The following SRRD variants were observed in gnomAD, a reference collection of about 807,000 sequenced individuals.
SRRD encodes SRR1 domain containing.
Under a neutral mutation model 30.7 loss-of-function variants are expected in SRRD, and 28 were observed. The observed-to-expected ratio is 0.91, with a 90% CI of 0.68 to 1.25. The LOEUF is 1.25. Ranked by LOEUF, SRRD falls within the 50% of genes most tolerant of loss-of-function variation. The pLI is 0.00. For missense variants in SRRD, 415 were observed against 417.3 expected, an observed-to-expected ratio of 0.99 and a Z score of 0.05; for synonymous variants, 161 against 159.6, an observed-to-expected ratio of 1.01 and a Z score of -0.07.
intron 5 of SRRD, among the ~76,000 whole-genome samples, chr22:26,490,559 C>CTTTTTTTTTTTTTTTTTTTTGTT: frequency 1.9e-5 from 1 of 51,834 alleles, no homozygotes; most frequent in Non-Finnish European, 3.4e-5. Context: ...GGAATATTTG[C>CTTTTTTTTTTTTTTTTTTTTGTT]TTTTTTTTTT....
intron 5 of SRRD, 47 bp downstream of exon 5, chr22:26,490,245 C>T (rs1309806625): frequency 1.9e-6 from 3 of 1,598,602 alleles, no homozygotes; most frequent in East Asian, 2.2e-5. Context: ...AGGTGAAGCC[C>T]ATACCTCAGA....
Position 26,490,081 on chromosome 22 carries a change from T to C in SRRD, c.647T>C (p.Phe216Ser). 1 of 1,614,082 alleles carries C rather than the reference T, an allele frequency of 6.2e-7. No individual in the cohort carries two copies. ...AGTATTCGCGGGGAGCCTACCATCT[T>C]TTACATGCTCCATTGTGGGACGGCC... is the stretch of plus-strand genomic sequence containing the variant. ...KRSIRGEPTI[F>S]YMLHCGTALY... The change falls in exon 5 of 7, where the codon TTT becomes TCT. Residue 216 changes from phenylalanine (F) to serine (S), a missense_variant. By Grantham distance (155) the Phe-to-Ser change is radical (BLOSUM62 -2). Coordinates refer to ENST00000215917, the MANE Select transcript of SRRD (RefSeq NM_001013694.3).
At chr22:26,488,629 G>T (rs750402605) in intron 4 of SRRD, 141 bp downstream of exon 4, 90 of 662,062 alleles carry the variant, frequency 1.4e-4, no homozygotes, top group Non-Finnish European at 2.1e-4. Flanking sequence ...GTGCCTGAAC[G>T]ATGTAACCAG....
chr22:26,487,961 T>A, intron 2 of SRRD, 68 bp from the exon 3 acceptor site: 1 of 1,508,378 alleles, frequency 6.6e-7, no homozygotes, highest in Admixed American at 2.2e-5. Flanking sequence ...TGAACTTCTT[T>A]TGTGGATGAT....
At position 26,492,242 on chromosome 22, in the gene SRRD, A is replaced by G. The variant is rs1921295775; in HGVS notation, c.*570A>G. On this transcript the variant is annotated 3_prime_UTR_variant, in exon 7 of 7. Transcript: ENST00000215917. ...GGGCACAGAGCTAGCGGCCACGCCA[A>G]TGCCCCTCTGAGCCATGTTCTCAGC... 2.5e-6 allele frequency: 4 copies of G among 1,614,176 alleles called. No homozygotes were observed. The highest frequency in any genetic ancestry group is 3.4e-6 in the Non-Finnish European group (4 of 1,180,016).
Position 26,492,296 on chromosome 22 carries a change from T to C in SRRD, c.*624T>C. 2 of 1,614,218 alleles carry C rather than the reference T, an allele frequency of 1.2e-6. No homozygotes were observed. Among genetic ancestry groups the C allele is most frequent in the Non-Finnish European group, 1.7e-6 (2 of 1,180,030 alleles). ...CCGCCTCTCCTGCATGGCCTCGTAC[T>C]GGAAGTCCTTCCTCCGCTCCGTGTG... On this transcript the variant is annotated 3_prime_UTR_variant, in exon 7 of 7. Transcript: ENST00000215917.
intron 4 of SRRD, among the ~76,000 whole-genome samples, chr22:26,489,359 G>A (rs141565768): frequency 8.1e-4 from 124 of 152,198 alleles, no homozygotes; most frequent in Non-Finnish European, 1.6e-3. Context: ...CTTGTACTAC[G>A]ACAGGTGTTC....
At position 26,491,966 on chromosome 22, in the gene SRRD, A is replaced by G. The variant is rs1212054520; in HGVS notation, c.*294A>G. 4.0e-6 allele frequency: 6 copies of G among 1,510,084 alleles called. No individual in the cohort carries two copies. The highest frequency in any genetic ancestry group is 5.4e-6 in the Non-Finnish European group (6 of 1,111,602). The allele number at this position is 1,510,084 out of a possible 1,614,324, so 93.5% of individuals were successfully genotyped here. ...TAAAAATACTGTTTATTTACAGTAC[A>G]TCCCTCTTAGGGGCAAGTCTCTGAC... is the stretch of plus-strand genomic sequence containing the variant. On this transcript the variant is annotated 3_prime_UTR_variant, in exon 7 of 7. Coordinates refer to ENST00000215917, the MANE Select transcript of SRRD (RefSeq NM_001013694.3).
intron 4 of SRRD, 121 bp downstream of exon 4, chr22:26,488,609 C>T: frequency 1.3e-6 from 1 of 757,202 alleles, no homozygotes; most frequent in Non-Finnish European, 2.3e-6. Context: ...ACCGCCTGCT[C>T]ACTTTTGTAG....
chr22:26,494,644 GGT>G lies in SRRD; in HGVS notation c.*2974_*2975del. ...GATACATGGCAAATGTCCAATAAAT[GGT>G]GCCCACTATGAAGATGACCTAACTC... is the stretch of plus-strand genomic sequence containing the variant. On this transcript the variant is annotated 3_prime_UTR_variant, in exon 7 of 7. Coordinates refer to ENST00000215917, the MANE Select transcript of SRRD (RefSeq NM_001013694.3). The G allele has an allele frequency of 9.3e-7, 1 of 1,072,684 alleles. No homozygotes were observed. Among genetic ancestry groups the G allele is most frequent in the Non-Finnish European group, 1.3e-6 (1 of 754,018 alleles). The allele number at this position is 1,072,684 out of a possible 1,614,324, so 66.4% of individuals were successfully genotyped here.
chr22:26,491,574 A>G lies in SRRD; in HGVS notation c.922A>G (p.Ile308Val), dbSNP rs200936174. ...FPVQKLEQLS[I>V]DIWEFREEPD... ...TGTGCAAAAGCTAGAACAGCTCTCC[A>G]TAGATATTTGGGAGTTTCGGGAAGA... The change falls in exon 7 of 7, where the codon ATA (isoleucine) becomes GTA (valine). Residue 308 changes from isoleucine (I) to valine (V), a missense_variant. Coordinates refer to ENST00000215917, the MANE Select transcript of SRRD (RefSeq NM_001013694.3). The G allele has an allele frequency of 3.5e-5, 57 of 1,614,048 alleles. No individual in the cohort carries two copies. The highest frequency in any genetic ancestry group is 3.3e-4 in the African/African-American group (25 of 74,938).
chr22:26,494,534 C>T lies in SRRD; in HGVS notation c.*2862C>T, dbSNP rs890170063. The T allele has an allele frequency of 5.7e-6, 4 of 700,416 alleles. No individual in the cohort carries two copies. Among genetic ancestry groups the T allele is most frequent in the African/African-American group, 3.6e-5 (2 of 55,820 alleles). 43.4% of individuals were successfully genotyped at this position (700,416 alleles called of 1,614,324 possible). ...CTCTGAGCCTCAGCTTCCATGTCTA[C>T]ACAACAGGGATACCATATCCCCTAC... On this transcript the variant is annotated 3_prime_UTR_variant, in exon 7 of 7. Coordinates refer to ENST00000215917, the MANE Select transcript of SRRD (RefSeq NM_001013694.3).
Position 26,483,931 on chromosome 22 carries a change from C to A in SRRD, c.41C>A (p.Ala14Glu). 7.4e-7 allele frequency: 1 copy of A among 1,351,568 alleles called. No individual in the cohort carries two copies. The highest frequency in any genetic ancestry group is 9.4e-7 in the Non-Finnish European group (1 of 1,062,694). The allele number at this position is 1,351,568 out of a possible 1,614,324, so 83.7% of individuals were successfully genotyped here. Residue 14 changes from alanine to glutamate, a missense_variant, in exon 1 of 7, where the codon GCG becomes GAG. By Grantham distance (107) the Ala-to-Glu change is moderately radical. Transcript: ENST00000215917. Reference sequence around the variant, plus strand: ...GCTGCGGCGCTGGAATCCTGGCAGGCGGCGGCTCCGCGGAAGAGGCGCTCC... The same window carrying A: ...GCTGCGGCGCTGGAATCCTGGCAGGAGGCGGCTCCGCGGAAGAGGCGCTCC... ...AAAAALESWQ[A>E]AAPRKRRSAA...
intron 5 of SRRD, 30 bp downstream of exon 5, chr22:26,490,228 G>A: frequency 3.1e-6 from 5 of 1,612,612 alleles, no homozygotes; most frequent in South Asian, 1.1e-5. Flanking sequence ...GATTCTGTCA[G>A]GCCCTGAGGT....
Position 26,494,012 on chromosome 22 carries a change from A to G in SRRD, c.*2340A>G. The G allele has an allele frequency of 9.8e-7, 1 of 1,021,856 alleles. No homozygotes were observed. The highest frequency in any genetic ancestry group is 1.4e-6 in the Non-Finnish European group (1 of 698,742). 63.3% of individuals were successfully genotyped at this position (1,021,856 alleles called of 1,614,324 possible). On this transcript the variant is annotated 3_prime_UTR_variant, in exon 7 of 7. Transcript: ENST00000215917. Reference sequence around the variant, plus strand: ...GTCAGCAGGGTGAGAGTCTGTTGCTATGTGCAAAAGTGTGACCTAAGGTTT... The same window carrying G: ...GTCAGCAGGGTGAGAGTCTGTTGCTGTGTGCAAAAGTGTGACCTAAGGTTT...
chr22:26,493,612 G>C lies in SRRD; in HGVS notation c.*1940G>C, dbSNP rs1381323045. ...GAACTTGGGAACAGATATAGTACAC[G>C]AACAGTGAACTGCCTGTTTTTGACA... On this transcript the variant is annotated 3_prime_UTR_variant, in exon 7 of 7. Coordinates refer to ENST00000215917, the MANE Select transcript of SRRD (RefSeq NM_001013694.3). 6.4e-6 allele frequency: 1 copy of C among 157,162 alleles called. No homozygotes were observed. Among genetic ancestry groups the C allele is most frequent in the East Asian group, 1.9e-4 (1 of 5,316 alleles). The allele number at this position is 157,162 out of a possible 1,614,324, so 9.7% of individuals were successfully genotyped here. A position where few individuals can be genotyped will look rare whatever the true frequency, so the allele number is the denominator to read the frequency against.
At chr22:26,486,778 A>G in intron 2 of SRRD, among the ~76,000 whole-genome samples, 1 of 152,228 alleles carries the variant, frequency 6.6e-6, no homozygotes. Flanking sequence ...CAGAAGTAGA[A>G]TTAAATGAAA....
In SRRD at chr22:26,492,071, T is replaced by C; in HGVS notation, c.*399T>C. 1 of 1,612,530 alleles carries C rather than the reference T, an allele frequency of 6.2e-7. No homozygotes were observed. The highest frequency in any genetic ancestry group is 8.5e-7 in the Non-Finnish European group (1 of 1,179,378). ...GGTGGGCACCCACGTCTTCTCGCCC[T>C]GGACAAAGACCACTCCCCGGTCGAT... On this transcript the variant is annotated 3_prime_UTR_variant, in exon 7 of 7. Transcript: ENST00000215917.
Position 26,492,061 on chromosome 22 carries a change from C to T in SRRD, c.*389C>T. Reference sequence around the variant, plus strand: ...TCTGCAGTGAGGTGGGCACCCACGTCTTCTCGCCCTGGACAAAGACCACTC... The same window carrying T: ...TCTGCAGTGAGGTGGGCACCCACGTTTTCTCGCCCTGGACAAAGACCACTC... On this transcript the variant is annotated 3_prime_UTR_variant, in exon 7 of 7. Transcript: ENST00000215917. 6.2e-7 allele frequency: 1 copy of T among 1,610,270 alleles called. No individual in the cohort carries two copies. The highest frequency in any genetic ancestry group is 8.5e-7 in the Non-Finnish European group (1 of 1,178,292).
Sources: allele counts gnomAD v4.1 joint callset (sites outside exome capture counted in the v4.1 genomes callset), GRCh38; gene constraint gnomAD v4.1.1; transcripts MANE v1.5; gene names NCBI Gene and HGNC (gene_info 2026-07-23, HGNC 2026-07-21).